Variants in RAP1GAP2 observed in about 807,000 individuals in gnomAD.
RAP1GAP2 encodes RAP1 GTPase activating protein 2.
In RAP1GAP2, 27 loss-of-function variants were observed where a neutral mutation model predicts 95.0. That is an observed-to-expected ratio of 0.28 (90% CI 0.21 to 0.39). The LOEUF is 0.39. Ranked by LOEUF, RAP1GAP2 falls within the 10% of genes least tolerant of loss-of-function variation. The probability of loss-of-function intolerance (pLI) is 1.00; values close to 1 mark genes in which losing one functional copy is unlikely to be tolerated. For synonymous variants in RAP1GAP2, 373 were observed against 380.9 expected, an observed-to-expected ratio of 0.98 and a Z score of 0.24; for missense variants, 771 against 970.0, an observed-to-expected ratio of 0.79 and a Z score of 2.72.
At chr17:2,854,973 C>T (rs1259777554) in intron 2 of RAP1GAP2, among the ~76,000 whole-genome samples, 1 of 152,108 alleles carries the variant, frequency 6.6e-6, no homozygotes, top group Non-Finnish European at 1.5e-5. Flanking sequence ...ATCCTAGTTT[C>T]CAGAGGAGTT....
At chr17:2,927,320 A>C (rs1219685509) in intron 3 of RAP1GAP2, among the ~76,000 whole-genome samples, 3 of 151,776 alleles carry the variant, frequency 2.0e-5, no homozygotes, top group African/African-American at 4.8e-5. Context: ...CGCCCGGCTA[A>C]TTTTTTGTAT....
chr17:2,767,070 T>C (rs980089127), intron 1 of RAP1GAP2, among the ~76,000 whole-genome samples: 3 of 151,448 alleles, frequency 2.0e-5, no homozygotes, highest in African/African-American at 7.3e-5. Context: ...TCGTTAAAGA[T>C]TTGGAATTGG....
chr17:2,942,917 A>ATG, intron 3 of RAP1GAP2, among the ~76,000 whole-genome samples: 1 of 151,946 alleles, frequency 6.6e-6, no homozygotes, highest in Non-Finnish European at 1.5e-5. Flanking sequence ...ACAGGCACTC[A>ATG]CCACCCACGC....
intron 2 of RAP1GAP2, among the ~76,000 whole-genome samples, chr17:2,824,758 A>C (rs933492394): frequency 6.6e-6 from 1 of 151,618 alleles, no homozygotes; most frequent in African/African-American, 2.4e-5. Context: ...AAAAAAAAAA[A>C]AAAAAGAAAT....
intron 2 of RAP1GAP2, among the ~76,000 whole-genome samples, chr17:2,882,601 T>G (rs59403466): frequency 0.036 from 5,529 of 152,244 alleles, 115 homozygotes; most frequent in African/African-American, 0.067. Context: ...ATTTTTGCAT[T>G]TTTAGTAGAG....
intron 13 of RAP1GAP2, among the ~76,000 whole-genome samples, chr17:2,997,067 C>T (rs796736672): frequency 4.7e-4 from 71 of 152,264 alleles, no homozygotes; most frequent in African/African-American, 1.5e-3. Context: ...CCTTGAACTT[C>T]AGGACAGGGT....
At chr17:2,889,863 GTA>G (rs748546441) in intron 2 of RAP1GAP2, among the ~76,000 whole-genome samples, 156 of 79,740 alleles carry the variant, frequency 2.0e-3, no homozygotes, top group African/African-American at 6.2e-3. Context: ...TTATGTGTGT[GTA>G]TATATATATA....
At chr17:3,009,259 A>T (rs545694367) in intron 17 of RAP1GAP2, among the ~76,000 whole-genome samples, 9 of 152,324 alleles carry the variant, frequency 5.9e-5, no homozygotes, top group African/African-American at 2.2e-4. Context: ...GGAATATAGT[A>T]AATGCTCAAA....
At chr17:2,911,466 C>T (rs1414474097) in intron 3 of RAP1GAP2, among the ~76,000 whole-genome samples, 2 of 151,710 alleles carry the variant, frequency 1.3e-5, no homozygotes, top group African/African-American at 4.9e-5. Flanking sequence ...TTTCATGCCC[C>T]AATGGATCAG....
chr17:2,853,816 CGGGA>C (rs2072000098), intron 2 of RAP1GAP2: 2 of 601,560 alleles, frequency 3.3e-6, no homozygotes, highest in Non-Finnish European at 4.1e-6. Flanking sequence ...TGAAGGTCGC[CGGGA>C]GGGAGGGGAG....
chr17:2,784,900 C>T (rs1456913076), intron 1 of RAP1GAP2, among the ~76,000 whole-genome samples: 2 of 152,252 alleles, frequency 1.3e-5, no homozygotes, highest in African/African-American at 4.8e-5. Context: ...CCCCACCAGA[C>T]CCCCATCTTT....
intron 2 of RAP1GAP2, among the ~76,000 whole-genome samples, chr17:2,820,489 C>T (rs1212913193): frequency 1.3e-5 from 2 of 151,762 alleles, no homozygotes; most frequent in Admixed American, 1.3e-4. Context: ...GGTGTGGTGG[C>T]GGGTGCCTGT....
At chr17:2,840,237 C>T (rs934924003) in intron 2 of RAP1GAP2, among the ~76,000 whole-genome samples, 2 of 151,710 alleles carry the variant, frequency 1.3e-5, no homozygotes, top group Non-Finnish European at 2.9e-5. Context: ...GATCTCGGTT[C>T]ACTGCGACCC....
intron 2 of RAP1GAP2, among the ~76,000 whole-genome samples, chr17:2,858,927 C>T (rs1003375314): frequency 6.6e-6 from 1 of 151,686 alleles, no homozygotes; most frequent in Non-Finnish European, 1.5e-5. Context: ...TTAAAAAAAC[C>T]CCCGTAACAC....
At chr17:2,926,398 T>C (rs2042956312) in intron 3 of RAP1GAP2, among the ~76,000 whole-genome samples, 1 of 152,174 alleles carries the variant, frequency 6.6e-6, no homozygotes, top group African/African-American at 2.4e-5. Flanking sequence ...ACTTGGTTTT[T>C]TGAGGAGCAG....
chr17:3,002,039 T>C (rs2046179125), intron 14 of RAP1GAP2, among the ~76,000 whole-genome samples: 1 of 151,184 alleles, frequency 6.6e-6, no homozygotes, highest in Admixed American at 6.6e-5. Flanking sequence ...CTTGGCTCAC[T>C]GCAACCTCTG....
At position 2,859,794 on chromosome 17, in the gene RAP1GAP2, T is replaced by C. The variant is rs1025408894; in HGVS notation, c.81-45490T>C. On this transcript the variant is annotated intron_variant, in intron 2 of 24. Coordinates refer to ENST00000254695, the MANE Select transcript of RAP1GAP2 (RefSeq NM_015085.5). ...TGAAGAAACTGGACTGTTTGTCTTG[T>C]GGAGTTTCCCACAGTCAGGATTTTG... Among the ~76,000 whole-genome samples, 10 of 152,224 alleles carry C rather than the reference T, an allele frequency of 6.6e-5. No individual in the cohort carries two copies. In the South Asian group the frequency reaches 2.1e-3, roughly 32 times the overall value.
intron 5 of RAP1GAP2, chr17:2,962,953 G>GTC: frequency 1.8e-6 from 1 of 558,196 alleles, no homozygotes; most frequent in Non-Finnish European, 3.1e-6. Context: ...GGCCTCGGTG[G>GTC]GACCTCAGGC....
In RAP1GAP2 at chr17:2,828,282, A is replaced by G. The variant is rs1002457055; in HGVS notation, c.80+27732A>G. On this transcript the variant is annotated intron_variant, in intron 2 of 24. Coordinates refer to ENST00000254695, the MANE Select transcript of RAP1GAP2 (RefSeq NM_015085.5). ...CTTGAACCTGGGAGGCGGAGGTTGC[A>G]GTGAGCCGAGATCGCGCCATTGCAC... 3.9e-5 allele frequency among the ~76,000 whole-genome samples: 6 copies of G among 152,178 alleles called. No homozygotes were observed. The South Asian group carries it at 1.2e-3, about 31-fold the overall frequency.
Sources: allele counts gnomAD v4.1 joint callset (sites outside exome capture counted in the v4.1 genomes callset), GRCh38; gene constraint gnomAD v4.1.1; transcripts MANE v1.5; gene names NCBI Gene and HGNC (gene_info 2026-07-23, HGNC 2026-07-21).